Variants in FKBP5 observed in about 807,000 individuals in gnomAD.
FKBP5 encodes FKBP prolyl isomerase 5.
FKBP5 carries 23 observed loss-of-function variants against 50.5 expected under a neutral mutation model. The ratio of observed to expected loss-of-function variants is 0.46; its 90% CI spans 0.33 to 0.65. The LOEUF (loss-of-function observed/expected upper bound fraction) is 0.65, where lower values mean the gene tolerates loss of function less well. Among genes scored for constraint, FKBP5 ranks in the 30% least tolerant of loss-of-function variants. The pLI is 0.02. For synonymous variants in FKBP5, 176 were observed against 190.6 expected, an observed-to-expected ratio of 0.92 and a Z score of 0.63; for missense variants, 411 against 553.1, an observed-to-expected ratio of 0.74 and a Z score of 2.58.
At chr6:35,622,541 G>A (rs748299621) in intron 3 of FKBP5, among the ~76,000 whole-genome samples, 6 of 151,720 alleles carry the variant, frequency 4.0e-5, no homozygotes, top group Non-Finnish European at 8.8e-5. Context: ...AGTAATACAT[G>A]CCTATTATTA....
intron 5 of FKBP5, among the ~76,000 whole-genome samples, chr6:35,610,823 T>C (rs1280348504): frequency 6.6e-6 from 1 of 152,068 alleles, no homozygotes; most frequent in Non-Finnish European, 1.5e-5. Flanking sequence ...TAAAAAAAAA[T>C]ACTTGTGCCT....
intron 1 of FKBP5, among the ~76,000 whole-genome samples, chr6:35,666,122 A>T (rs187622713): frequency 1.5e-3 from 226 of 152,286 alleles, no homozygotes; most frequent in African/African-American, 4.8e-3. Context: ...TCTTCTGAAC[A>T]TCTCAAGCTA....
At chr6:35,676,295 C>T (rs1031148162) in intron 1 of FKBP5, among the ~76,000 whole-genome samples, 1 of 152,212 alleles carries the variant, frequency 6.6e-6, no homozygotes, top group Non-Finnish European at 1.5e-5. Context: ...CTATCGGAAA[C>T]AGAAAAGTAT....
intron 2 of FKBP5, among the ~76,000 whole-genome samples, chr6:35,714,703 G>A (rs1235977105): frequency 6.6e-6 from 1 of 151,236 alleles, no homozygotes; most frequent in Non-Finnish European, 1.5e-5. Flanking sequence ...TGTAATCCCA[G>A]CTACTTGGGA....
At chr6:35,664,079 T>C (rs558141083) in intron 1 of FKBP5, among the ~76,000 whole-genome samples, 1 of 152,364 alleles carries the variant, frequency 6.6e-6, no homozygotes, top group East Asian at 1.9e-4. Flanking sequence ...CACAGGTCTC[T>C]GACTCTGATT....
intron 1 of FKBP5, among the ~76,000 whole-genome samples, chr6:35,680,928 C>G (rs1266275281): frequency 6.6e-6 from 1 of 152,204 alleles, no homozygotes; most frequent in Non-Finnish European, 1.5e-5. Flanking sequence ...CAAAATAAAG[C>G]AGGTTTGCCT....
At chr6:35,579,077 A>G (rs1476645767) in intron 9 of FKBP5, among the ~76,000 whole-genome samples, 1 of 151,998 alleles carries the variant, frequency 6.6e-6, no homozygotes, top group Non-Finnish European at 1.5e-5. Flanking sequence ...GTTCATGTGT[A>G]TTAATAGCCA....
upstream of FKBP5, among the ~76,000 whole-genome samples, chr6:35,693,161 CTCT>C (rs1229951367): frequency 2.1e-5 from 2 of 94,928 alleles, no homozygotes; most frequent in African/African-American, 3.5e-5. Context: ...TTTTCTCTCT[CTCT>C]TTTTTTTTTT....
At chr6:35,623,348 A>C (rs774477228) in intron 3 of FKBP5, among the ~76,000 whole-genome samples, 4 of 152,222 alleles carry the variant, frequency 2.6e-5, no homozygotes, top group African/African-American at 4.8e-5. Context: ...TCATCATCAT[A>C]ATAAATGCAA....
At chr6:35,576,059 G>A in intron 10 of FKBP5, 117 bp from the exon 11 acceptor site, 2 of 768,718 alleles carry the variant, frequency 2.6e-6, no homozygotes, top group Non-Finnish European at 4.6e-6. Flanking sequence ...TTTTCTCTAG[G>A]ATATCTAGCT....
In FKBP5 at chr6:35,574,110, A is replaced by G. The variant is rs1197353133; in HGVS notation, c.*1725T>C. 6.6e-6 allele frequency: 1 copy of G among 152,226 alleles called. No individual in the cohort carries two copies. The highest frequency in any genetic ancestry group is 1.5e-5 in the Non-Finnish European group (1 of 68,034). 9.4% of individuals were successfully genotyped at this position (152,226 alleles called of 1,614,324 possible). On this transcript the variant is annotated 3_prime_UTR_variant, in exon 11 of 11. Transcript: ENST00000357266. Reference sequence around the variant, plus strand: ...GGTGAGACTGGGGCTTTTAAAAGAAATATTTCATAAAAAAGACAAAAGCAT... The same window carrying G: ...GGTGAGACTGGGGCTTTTAAAAGAAGTATTTCATAAAAAAGACAAAAGCAT...
chr6:35,719,903 G>A (rs1766580228), intron 2 of FKBP5, among the ~76,000 whole-genome samples: 2 of 152,246 alleles, frequency 1.3e-5, no homozygotes, highest in South Asian at 4.1e-4. Context: ...AGTCTTGGCT[G>A]AGGGGTGGGG....
chr6:35,647,045 A>T (rs1764649349), intron 1 of FKBP5, among the ~76,000 whole-genome samples: 1 of 152,232 alleles, frequency 6.6e-6, no homozygotes, highest in South Asian at 2.1e-4. Flanking sequence ...CTTGCCTCAG[A>T]TTATGCTACT....
intron 1 of FKBP5, among the ~76,000 whole-genome samples, chr6:35,657,387 C>T (rs1764985302): frequency 6.6e-6 from 1 of 152,160 alleles, no homozygotes. Context: ...GCACTCATCT[C>T]CTGGCTTTTT....
intron 5 of FKBP5, among the ~76,000 whole-genome samples, chr6:35,602,692 C>T (rs960495538): frequency 6.6e-6 from 1 of 151,906 alleles, no homozygotes; most frequent in African/African-American, 2.4e-5. Flanking sequence ...GTCAGATTTC[C>T]CCTAAGCTGT....
chr6:35,640,047 TTGTTG>T (rs1378681360), intron 2 of FKBP5, among the ~76,000 whole-genome samples: 3 of 151,376 alleles, frequency 2.0e-5, no homozygotes, highest in Non-Finnish European at 3.0e-5. Flanking sequence ...TCTCACCACA[TTGTTG>T]TAAGAAACAA....
chr6:35,616,945 G>A (rs1763678367), intron 5 of FKBP5, among the ~76,000 whole-genome samples: 1 of 151,698 alleles, frequency 6.6e-6, no homozygotes, highest in Admixed American at 6.6e-5. Context: ...AGAATTCTAT[G>A]ATGGAGTTTT....
Position 35,680,481 on chromosome 6 carries a change from T to C in FKBP5, c.-20+8323A>G, listed in dbSNP as rs75525378. Among the ~76,000 whole-genome samples, 1,079 of 152,298 alleles carry C rather than the reference T, an allele frequency of 7.1e-3. 12 individuals carry two copies. Among genetic ancestry groups the C allele is most frequent in the African/African-American group, 0.022 (932 of 41,558 alleles). On this transcript the variant is annotated intron_variant, in intron 1 of 10. Coordinates refer to ENST00000357266, the MANE Select transcript of FKBP5 (RefSeq NM_004117.4). ...TCCATTAATTATGCCTAATACTAAA[T>C]TGTAATGAACACATACTAAAAATTA...
intron 3 of FKBP5, among the ~76,000 whole-genome samples, chr6:35,632,478 G>C (rs1581835718): frequency 6.6e-6 from 1 of 151,978 alleles, no homozygotes; most frequent in Non-Finnish European, 1.5e-5. Flanking sequence ...CTAGGCGATG[G>C]TGTACATTAT....
Sources: allele counts gnomAD v4.1 joint callset (sites outside exome capture counted in the v4.1 genomes callset), GRCh38; gene constraint gnomAD v4.1.1; transcripts MANE v1.5; gene names NCBI Gene and HGNC (gene_info 2026-07-23, HGNC 2026-07-21).